The following SGCZ variants were observed in gnomAD, a reference collection of about 807,000 sequenced individuals.
SGCZ encodes the protein sarcoglycan zeta.
SGCZ carries 40 observed loss-of-function variants against 41.3 expected under a neutral mutation model. The observed-to-expected ratio is 0.97, with a 90% CI of 0.75 to 1.26. The LOEUF is 1.26. SGCZ is among the 50% of genes most tolerant of loss of function. The probability of loss-of-function intolerance (pLI) is 0.00; values close to 1 mark genes in which losing one functional copy is unlikely to be tolerated. For synonymous variants in SGCZ, 206 were observed against 137.5 expected, an observed-to-expected ratio of 1.50 and a Z score of -3.49; for missense variants, 552 against 369.8, an observed-to-expected ratio of 1.49 and a Z score of -4.04.
chr8:15,089,156 C>T (rs997491065), intron 1 of SGCZ, among the ~76,000 whole-genome samples: 3 of 152,076 alleles, frequency 2.0e-5, no homozygotes, highest in Non-Finnish European at 4.4e-5. Flanking sequence ...TAGAGACAAG[C>T]ACATATTACT....
rs996502672 is a variant in SGCZ, at chr8:14,264,850, C to T, written c.337-27171G>A. ...TGGTGGCGGGCGCCTGTAGTCCCAGCTACTCGGGAGGCTGAGGCAGGAGAA... is the reference window on the plus strand; with the variant it reads ...TGGTGGCGGGCGCCTGTAGTCCCAGTTACTCGGGAGGCTGAGGCAGGAGAA... On this transcript the variant is annotated intron_variant, in intron 3 of 7. Coordinates refer to ENST00000382080, the MANE Select transcript of SGCZ (RefSeq NM_139167.4). Among the ~76,000 whole-genome samples, 7 of 152,206 alleles carry T rather than the reference C, an allele frequency of 4.6e-5. No individual in the cohort carries two copies. In the East Asian group the frequency reaches 1.4e-3, roughly 30 times the overall value.
chr8:14,653,780 A>C (rs1807475851), intron 1 of SGCZ, among the ~76,000 whole-genome samples: 1 of 151,988 alleles, frequency 6.6e-6, no homozygotes, highest in Admixed American at 6.6e-5. Flanking sequence ...TCTCTATCCA[A>C]AGTTAGCAAA....
At chr8:15,134,963 G>T (rs575009029) in intron 1 of SGCZ, among the ~76,000 whole-genome samples, 1 of 152,156 alleles carries the variant, frequency 6.6e-6, no homozygotes, top group Non-Finnish European at 1.5e-5. Context: ...GTTTCAAAAT[G>T]TGGTTACTCT....
intron 1 of SGCZ, among the ~76,000 whole-genome samples, chr8:14,556,784 T>C (rs1804046783): frequency 6.6e-6 from 1 of 152,142 alleles, no homozygotes. Context: ...TCCTTCCTTT[T>C]TATGGCTGAG....
At chr8:14,479,159 G>C in intron 2 of SGCZ, among the ~76,000 whole-genome samples, 1 of 152,170 alleles carries the variant, frequency 6.6e-6, no homozygotes, top group East Asian at 1.9e-4. Context: ...AAGCCAGTCC[G>C]AGTCCCAAAA....
chr8:15,030,180 G>A (rs2130957000), intron 1 of SGCZ, among the ~76,000 whole-genome samples: 1 of 152,198 alleles, frequency 6.6e-6, no homozygotes, highest in Non-Finnish European at 1.5e-5. Flanking sequence ...CCCTTAAAGG[G>A]CGCTGAAAAT....
At chr8:14,266,064 G>T (rs376144624) in intron 3 of SGCZ, among the ~76,000 whole-genome samples, 1 of 152,038 alleles carries the variant, frequency 6.6e-6, no homozygotes, top group South Asian at 2.1e-4. Flanking sequence ...TATTCAAAGA[G>T]ATAATAACAG....
intron 1 of SGCZ, among the ~76,000 whole-genome samples, chr8:15,094,850 G>A (rs1022976224): frequency 1.3e-5 from 2 of 152,116 alleles, no homozygotes; most frequent in African/African-American, 4.8e-5. Context: ...CCTGTCAAGA[G>A]GTACCTTCTG....
At chr8:14,464,644 T>A (rs1237376019) in intron 2 of SGCZ, among the ~76,000 whole-genome samples, 1 of 151,538 alleles carries the variant, frequency 6.6e-6, no homozygotes, top group East Asian at 1.9e-4. Context: ...CTTTTGGGTT[T>A]AGTTTGTTCT....
intron 3 of SGCZ, among the ~76,000 whole-genome samples, chr8:14,287,080 A>C (rs1344185019): frequency 6.6e-6 from 1 of 151,952 alleles, no homozygotes; most frequent in Non-Finnish European, 1.5e-5. Context: ...CTTTCTTACA[A>C]ATACATAAGT....
chr8:14,849,640 G>C (rs1027464479), intron 1 of SGCZ, among the ~76,000 whole-genome samples: 3 of 152,110 alleles, frequency 2.0e-5, no homozygotes, highest in African/African-American at 7.2e-5. Context: ...TCAGCTATAC[G>C]TGGGGTGAGG....
chr8:14,173,170 T>G (rs1375547484), intron 4 of SGCZ, among the ~76,000 whole-genome samples: 2 of 67,556 alleles, frequency 3.0e-5, no homozygotes, highest in Admixed American at 1.4e-4. Context: ...GCTTTGAGAG[T>G]TTTTTTTTTA....
intron 1 of SGCZ, among the ~76,000 whole-genome samples, chr8:14,926,875 G>A (rs902150717): frequency 6.6e-6 from 1 of 151,896 alleles, no homozygotes; most frequent in African/African-American, 2.4e-5. Context: ...TCCTGACCTC[G>A]TGATCCACCA....
intron 1 of SGCZ, among the ~76,000 whole-genome samples, chr8:14,596,836 A>C (rs1805428045): frequency 6.6e-6 from 1 of 152,210 alleles, no homozygotes; most frequent in African/African-American, 2.4e-5. Context: ...TTAGAGTAAA[A>C]TAAAAAATAA....
intron 1 of SGCZ, among the ~76,000 whole-genome samples, chr8:14,933,431 CTTTTTTTTTTTTTTT>C (rs11443740): frequency 8.3e-6 from 1 of 120,420 alleles, no homozygotes; most frequent in Non-Finnish European, 1.6e-5. Context: ...CTTTTTTTTT[CTTTTTTTTTTTTTTT>C]TTGGAGACGG....
intron 1 of SGCZ, among the ~76,000 whole-genome samples, chr8:14,888,777 T>A (rs1248673605): frequency 6.6e-6 from 1 of 152,202 alleles, no homozygotes; most frequent in African/African-American, 2.4e-5. Context: ...TCTATATACA[T>A]TCATTTGTTT....
chr8:14,849,097 T>A (rs941779088), intron 1 of SGCZ, among the ~76,000 whole-genome samples: 9 of 152,170 alleles, frequency 5.9e-5, no homozygotes, highest in African/African-American at 2.2e-4. Context: ...TCATTATTTA[T>A]TAAAATATGC....
chr8:14,927,621 G>A (rs536042103), intron 1 of SGCZ, among the ~76,000 whole-genome samples: 4 of 151,898 alleles, frequency 2.6e-5, no homozygotes, highest in African/African-American at 7.2e-5. Context: ...GAGGCAGAGA[G>A]GTAGGAAGAA....
intron 1 of SGCZ, among the ~76,000 whole-genome samples, chr8:15,205,647 C>G (rs1413134205): frequency 6.6e-6 from 1 of 152,100 alleles, no homozygotes; most frequent in African/African-American, 2.4e-5. Context: ...CGCGTATACA[C>G]TGATACACTG....
Sources: allele counts gnomAD v4.1 joint callset (sites outside exome capture counted in the v4.1 genomes callset), GRCh38; gene constraint gnomAD v4.1.1; transcripts MANE v1.5; gene names NCBI Gene and HGNC (gene_info 2026-07-23, HGNC 2026-07-21).